Variants in BRD10 observed in about 807,000 individuals in gnomAD.
BRD10 encodes uncharacterized bromodomain-containing protein 10.
At chr9:5,992,838 T>C in the BRD10 span, among the ~76,000 whole-genome samples, 6 of 152,058 alleles carry the variant, frequency 3.9e-5, no homozygotes, top group Non-Finnish European at 7.4e-5. Flanking sequence ...AGAAAGTGAA[T>C]TGATATTAAG....
At chr9:5,947,410 T>C in the BRD10 span, among the ~76,000 whole-genome samples, 1 of 152,050 alleles carries the variant, frequency 6.6e-6, no homozygotes, top group Non-Finnish European at 1.5e-5. Context: ...ATGGAGCTAA[T>C]GAGTATGAAA....
chr9:5,960,269 T>A, the BRD10 span, among the ~76,000 whole-genome samples: 1 of 152,068 alleles, frequency 6.6e-6, no homozygotes, highest in Admixed American at 6.6e-5. Flanking sequence ...TGGGTGAAAA[T>A]AATAACTACT....
At chr9:5,947,613 T>C in the BRD10 span, among the ~76,000 whole-genome samples, 1 of 152,096 alleles carries the variant, frequency 6.6e-6, no homozygotes, top group Non-Finnish European at 1.5e-5. Context: ...ATTTAATGTA[T>C]ACCTAATATA....
chr9:5,976,100 T>C, the BRD10 span, among the ~76,000 whole-genome samples: 31 of 152,214 alleles, frequency 2.0e-4, no homozygotes, highest in African/African-American at 7.5e-4. Context: ...TAAAGGTAGC[T>C]GATTCTGAGT....
the BRD10 span, among the ~76,000 whole-genome samples, chr9:5,984,000 CACACA>C: frequency 6.6e-6 from 1 of 151,220 alleles, no homozygotes; most frequent in Non-Finnish European, 1.5e-5. Context: ...CACACACACA[CACACA>C]CCCCTCTCCA....
the BRD10 span, among the ~76,000 whole-genome samples, chr9:5,949,616 T>A: frequency 1.3e-5 from 2 of 152,144 alleles, no homozygotes; most frequent in Non-Finnish European, 2.9e-5. Flanking sequence ...ATCATGCATA[T>A]GAAATGGGAG....
At chr9:5,984,909 T>C in the BRD10 span, among the ~76,000 whole-genome samples, 3 of 151,644 alleles carry the variant, frequency 2.0e-5, no homozygotes, top group Admixed American at 6.6e-5. Flanking sequence ...AAATTAACAA[T>C]ATGATTTCAA....
At chr9:5,919,702 A>C in the BRD10 span, 4 of 1,610,066 alleles carry the variant, frequency 2.5e-6, no homozygotes, top group Non-Finnish European at 3.4e-6. Flanking sequence ...CAGCTCTGTC[A>C]GGCTTCTCTA....
At chr9:5,928,716 C>T in the BRD10 span, among the ~76,000 whole-genome samples, 1 of 152,196 alleles carries the variant, frequency 6.6e-6, no homozygotes. Flanking sequence ...TTCCCTGACA[C>T]CTGATCAAAG....
the BRD10 span, among the ~76,000 whole-genome samples, chr9:5,996,193 C>T: frequency 2.0e-5 from 3 of 152,074 alleles, no homozygotes; most frequent in African/African-American, 7.2e-5. Flanking sequence ...GTATTTATTC[C>T]TCTCCAGAGG....
At chr9:5,887,296 A>G in the BRD10 span, among the ~76,000 whole-genome samples, 1 of 152,134 alleles carries the variant, frequency 6.6e-6, no homozygotes, top group Non-Finnish European at 1.5e-5. Flanking sequence ...CAAGCTGGAG[A>G]GCATGTTCCC....
the BRD10 span, among the ~76,000 whole-genome samples, chr9:5,980,062 T>C: frequency 1.3e-5 from 2 of 151,620 alleles, no homozygotes; most frequent in East Asian, 3.9e-4. Context: ...AAATGTGTTA[T>C]CTACTTTCCT....
At chr9:5,889,602 T>A in the BRD10 span, among the ~76,000 whole-genome samples, 1 of 152,018 alleles carries the variant, frequency 6.6e-6, no homozygotes, top group Non-Finnish European at 1.5e-5. Context: ...CTGGCCAACA[T>A]GGTGAAACCC....
chr9:5,976,728 T>C, the BRD10 span, among the ~76,000 whole-genome samples: 1 of 147,238 alleles, frequency 6.8e-6, no homozygotes, highest in Non-Finnish European at 1.5e-5. Context: ...AAGCGCCAAA[T>C]AGTAGAATAG....
the BRD10 span, among the ~76,000 whole-genome samples, chr9:5,925,391 A>C: frequency 6.6e-6 from 1 of 151,624 alleles, no homozygotes; most frequent in Middle Eastern, 3.4e-3. Context: ...AAGAAAAAAA[A>C]TTATATATAT....
At chr9:5,989,231 T>A in the BRD10 span, among the ~76,000 whole-genome samples, 1 of 70,790 alleles carries the variant, frequency 1.4e-5, no homozygotes, top group South Asian at 6.8e-4. Context: ...AAACTCTGTC[T>A]CATTAAAAAA....
the BRD10 span, among the ~76,000 whole-genome samples, chr9:5,937,303 G>A: frequency 9.0e-4 from 137 of 151,896 alleles, no homozygotes; most frequent in Non-Finnish European, 1.3e-3. Flanking sequence ...CTGGGAGGCC[G>A]AGGCGGGTGG....
chr9:6,007,146 G>C, the BRD10 span: 1 of 1,557,820 alleles, frequency 6.4e-7, no homozygotes, highest in Non-Finnish European at 8.8e-7. Context: ...ACGTGTGAGT[G>C]TGTGTTTGTG....
the BRD10 span, chr9:5,968,085 T>C: frequency 6.4e-7 from 1 of 1,563,066 alleles, no homozygotes. Context: ...ATCTCAGGTT[T>C]GTAAGACTTG....
Sources: gnomAD v4.1 joint callset for allele counts (sites outside exome capture counted in the v4.1 genomes callset) on GRCh38, gnomAD v4.1.1 for gene constraint, MANE v1.5 for transcripts, NCBI Gene and HGNC (gene_info 2026-07-23, HGNC 2026-07-21) for gene names.